The following CHSY3 variants were observed in gnomAD, a reference collection of about 807,000 sequenced individuals.
CHSY3 encodes the protein chondroitin sulfate synthase 3, also known as N-acetylgalactosaminyl-proteoglycan 3-beta-glucuronosyltransferase 3.
A neutral mutation model predicts 67.2 loss-of-function variants in CHSY3; 35 were observed. That is an observed-to-expected ratio of 0.52 (90% confidence interval 0.40 to 0.69). The LOEUF is 0.69. Ranked by LOEUF, CHSY3 falls within the 30% of genes least tolerant of loss-of-function variation. CHSY3 has a pLI of 0.00. For synonymous variants in CHSY3, 474 were observed against 434.7 expected (o/e 1.09, Z -1.12); for missense variants, 1,069 against 1,138.5 (o/e 0.94, Z 0.88).
At position 129,905,464 on chromosome 5, in the gene CHSY3, C is replaced by T. The variant is rs752032748; in HGVS notation, c.635C>T (p.Pro212Leu). The T allele has an allele frequency of 1.2e-6, 2 of 1,612,796 alleles. No individual in the cohort carries two copies. The highest frequency in any genetic ancestry group is 3.3e-5 in the Admixed American group (2 of 60,032). The change falls in exon 1 of 3, where the codon CCC (proline) becomes CTC (leucine). Residue 212 changes from proline (P) to leucine (L), a missense_variant. Pro to Leu is a moderately conservative substitution (Grantham distance 98, BLOSUM62 -3). Around this residue, in one of 5 missense-constraint regions of CHSY3, gnomAD observed 216 missense variants for 311.5 expected, o/e 0.69. Transcript: ENST00000305031. ...GAGTTCTTTTCCAGCCAGCAGCCCC[C>T]CAACGCCGGCCAGCCCCCGCCACCC... is the stretch of plus-strand genomic sequence containing the variant. ...RVEFFSSQQPPNAGQPPPPLP... is the reference protein window; with the variant it reads ...RVEFFSSQQPLNAGQPPPPLP...
At chr5:130,085,863 A>G (rs1766599489) in intron 2 of CHSY3, among the ~76,000 whole-genome samples, 1 of 152,018 alleles carries the variant, frequency 6.6e-6, no homozygotes, top group Non-Finnish European at 1.5e-5. Context: ...TCATTTCGTT[A>G]TGTACTGAGT....
intron 2 of CHSY3, among the ~76,000 whole-genome samples, chr5:129,914,752 T>C (rs1469759249): frequency 6.6e-6 from 1 of 152,232 alleles, no homozygotes; most frequent in Non-Finnish European, 1.5e-5. Flanking sequence ...GTAAGCGTTG[T>C]AGGCTTAGAT....
intron 2 of CHSY3, among the ~76,000 whole-genome samples, chr5:129,951,661 T>C (rs1373550427): frequency 6.6e-6 from 1 of 152,116 alleles, no homozygotes; most frequent in African/African-American, 2.4e-5. Flanking sequence ...CTGATAGGGA[T>C]CTCCACCCAT....
chr5:130,056,331 C>T (rs891473677), intron 2 of CHSY3, among the ~76,000 whole-genome samples: 2 of 149,878 alleles, frequency 1.3e-5, no homozygotes, highest in Admixed American at 6.6e-5. Context: ...TTAAAATTTG[C>T]TTCTCTGTTG....
chr5:130,156,472 T>C (rs944228215), intron 2 of CHSY3, among the ~76,000 whole-genome samples: 1 of 152,202 alleles, frequency 6.6e-6, no homozygotes, highest in Non-Finnish European at 1.5e-5. Flanking sequence ...ACCTGTGAGA[T>C]GGGTCAATAT....
chr5:130,030,184 C>G (rs1486544881), intron 2 of CHSY3, among the ~76,000 whole-genome samples: 1 of 152,006 alleles, frequency 6.6e-6, no homozygotes, highest in Non-Finnish European at 1.5e-5. Context: ...CCTAAAATAT[C>G]TTTGTCATCT....
Position 129,939,755 on chromosome 5 carries a change from T to C in CHSY3, c.1086+31395T>C, listed in dbSNP as rs555873229. The stretch of plus-strand genomic sequence containing the variant: ...GATAGGCTGAAAATAAACGTGCTCA[T>C]AGCTTTTTCATGCAGATCCTTTACT... On this transcript the variant is annotated intron_variant, in intron 2 of 2. Coordinates refer to ENST00000305031, the MANE Select transcript of CHSY3 (RefSeq NM_175856.5). Among the ~76,000 whole-genome samples, 24 of 152,296 alleles carry C rather than the reference T, an allele frequency of 1.6e-4. No homozygotes were observed. In the South Asian group the frequency reaches 2.3e-3, roughly 14 times the overall value.
At chr5:130,015,634 T>G (rs1193569810) in intron 2 of CHSY3, among the ~76,000 whole-genome samples, 1 of 152,232 alleles carries the variant, frequency 6.6e-6, no homozygotes, top group East Asian at 1.9e-4. Context: ...TACACAGTGC[T>G]GGAGGGAATG....
rs1442440643 is a variant in CHSY3, at chr5:130,184,893, T to C, written c.1751T>C (p.Val584Ala). The C allele has an allele frequency of 3.9e-6, 6 of 1,553,062 alleles. No homozygotes were observed. Among genetic ancestry groups the C allele is most frequent in the Middle Eastern group, 1.7e-4 (1 of 5,960 alleles). The change falls in exon 3 of 3, where the codon GTG becomes GCG. Residue 584 changes from valine to alanine, a missense_variant. By Grantham distance (64) the Val-to-Ala change is moderately conservative. Coordinates refer to ENST00000305031, the MANE Select transcript of CHSY3 (RefSeq NM_175856.5). ...GAAGAGCTAGATGTCAACAGTCTTG[T>C]GGAGAGTATTAACAGTGAAACTCAG... ...ETEELDVNSL[V>A]ESINSETQSF...
At chr5:130,048,525 G>T (rs913852346) in intron 2 of CHSY3, among the ~76,000 whole-genome samples, 2 of 151,982 alleles carry the variant, frequency 1.3e-5, no homozygotes. Context: ...AGTGCAGCTT[G>T]GAGTGGAGGA....
At chr5:129,965,242 G>A (rs946028373) in intron 2 of CHSY3, among the ~76,000 whole-genome samples, 12 of 151,974 alleles carry the variant, frequency 7.9e-5, no homozygotes, top group African/African-American at 2.7e-4. Flanking sequence ...TTTGACATTG[G>A]GGAAGTGATG....
intron 2 of CHSY3, among the ~76,000 whole-genome samples, chr5:130,060,371 A>T (rs1269215981): frequency 2.0e-5 from 3 of 152,212 alleles, no homozygotes; most frequent in Admixed American, 1.3e-4. Context: ...ACATTTCTTC[A>T]TGATAAAAAC....
At chr5:129,994,046 G>A (rs964686388) in intron 2 of CHSY3, among the ~76,000 whole-genome samples, 2 of 152,174 alleles carry the variant, frequency 1.3e-5, no homozygotes, top group African/African-American at 4.8e-5. Context: ...GGCCCCCACT[G>A]TCTTCTGGCT....
intron 2 of CHSY3, among the ~76,000 whole-genome samples, chr5:130,172,699 G>A (rs1190356231): frequency 6.6e-6 from 1 of 152,126 alleles, no homozygotes; most frequent in Non-Finnish European, 1.5e-5. Flanking sequence ...CAATGTTTCT[G>A]TAGAACTTTT....
intron 2 of CHSY3, among the ~76,000 whole-genome samples, chr5:130,079,325 AC>A (rs1766373055): frequency 6.6e-6 from 1 of 152,220 alleles, no homozygotes; most frequent in Admixed American, 6.6e-5. Context: ...TTATACACTT[AC>A]AGATGTATTT....
At chr5:129,966,616 C>A (rs1415281260) in intron 2 of CHSY3, among the ~76,000 whole-genome samples, 1 of 151,768 alleles carries the variant, frequency 6.6e-6, no homozygotes, top group Non-Finnish European at 1.5e-5. Context: ...ATTCCCAAGA[C>A]ATACTCATCA....
At chr5:130,107,732 A>G (rs1211741045) in intron 2 of CHSY3, among the ~76,000 whole-genome samples, 2 of 151,750 alleles carry the variant, frequency 1.3e-5, no homozygotes, top group Non-Finnish European at 3.0e-5. Context: ...ACTTAGTGGT[A>G]TTTGATCAAT....
intron 2 of CHSY3, among the ~76,000 whole-genome samples, chr5:130,170,255 G>A (rs1467754950): frequency 1.3e-5 from 2 of 152,030 alleles, no homozygotes; most frequent in Non-Finnish European, 2.9e-5. Flanking sequence ...TTGTTTCTGA[G>A]TTAGTTCACT....
At chr5:129,911,402 T>G (rs1760543182) in intron 2 of CHSY3, among the ~76,000 whole-genome samples, 1 of 152,218 alleles carries the variant, frequency 6.6e-6, no homozygotes. Context: ...TGCAAGTTAC[T>G]TCTTTAAGTC....
Sources: allele counts gnomAD v4.1 joint callset (sites outside exome capture counted in the v4.1 genomes callset), GRCh38; gene constraint gnomAD v4.1.1; regional missense constraint gnomAD v4.1.1; transcripts MANE v1.5; gene names NCBI Gene and HGNC (gene_info 2026-07-23, HGNC 2026-07-21).